BOD1L2: variants seen among roughly 807,000 people sequenced by gnomAD.
The protein encoded by BOD1L2 is biorientation of chromosomes in cell division 1 like 2.
Under a neutral mutation model 5.3 loss-of-function variants are expected in BOD1L2, and 6 were observed. That is an observed-to-expected ratio of 1.14 (90% CI 0.62 to 2.25). The LOEUF is 2.25. BOD1L2 is among the 30% of genes most tolerant of loss of function. The probability of loss-of-function intolerance (pLI) is 0.00; values close to 1 mark genes in which losing one functional copy is unlikely to be tolerated. For synonymous variants in BOD1L2, 96 were observed against 96.3 expected, an observed-to-expected ratio of 1.00 and a Z score of 0.02; for missense variants, 210 against 227.2, an observed-to-expected ratio of 0.92 and a Z score of 0.49.
rs754832081 is a variant in BOD1L2, at chr18:57,147,502, G to A, written c.190G>A (p.Asp64Asn). Reference protein sequence around the residue: ...SFRRDCKADVDTKPAYQNLSQ... With the variant: ...SFRRDCKADVNTKPAYQNLSQ... ...CCGCCGGGACTGCAAGGCTGACGTG[G>A]ACACCAAGCCAGCTTACCAAAACCT... is the stretch of plus-strand genomic sequence containing the variant. Residue 64 changes from aspartate to asparagine, a missense_variant, in exon 1 of 1, where the codon GAC (aspartate) becomes AAC (asparagine). By Grantham distance (23) the Asp-to-Asn change is conservative. Transcript: ENST00000585477. 8.2e-6 allele frequency: 13 copies of A among 1,591,428 alleles called. No individual in the cohort carries two copies. The African/African-American group carries it at 1.6e-4, about 20-fold the overall frequency.
chr18:57,147,675 T>C lies in BOD1L2; in HGVS notation c.363T>C (p.Ser121=). 6.2e-7 allele frequency: 1 copy of C among 1,613,614 alleles called. No homozygotes were observed. Among genetic ancestry groups the C allele is most frequent in the Non-Finnish European group, 8.5e-7 (1 of 1,180,028 alleles). ...AAGCTGGAGTGGACAGGATTAGTTC[T>C]CAGGTGGTGGATCCAAAACTAAACC... ...RSEAGVDRIS[S]QVVDPKLNHI... is the part of the protein sequence containing the mutation. Residue 121 remains serine, a synonymous_variant, in exon 1 of 1, where the codon TCT becomes TCC. Transcript: ENST00000585477.
Position 57,147,211 on chromosome 18 carries a change from C to T in BOD1L2, c.-102C>T. The T allele has an allele frequency of 3.7e-6, 4 of 1,075,478 alleles. No individual in the cohort carries two copies. Among genetic ancestry groups the T allele is most frequent in the Non-Finnish European group, 4.5e-6 (4 of 886,406 alleles). 66.6% of individuals were successfully genotyped at this position (1,075,478 alleles called of 1,614,324 possible). On this transcript the variant is annotated 5_prime_UTR_variant, in exon 1 of 1. Transcript: ENST00000585477. Reference sequence around the variant, plus strand: ...CACCTCCGCCGCTGCCTCCTTGGGGCCCTCCTCCTTCACCGCCCCCTTAGC... The same window carrying T: ...CACCTCCGCCGCTGCCTCCTTGGGGTCCTCCTCCTTCACCGCCCCCTTAGC...
rs975414244 is a variant in BOD1L2, at chr18:57,147,974, C to T, written c.*143C>T. On this transcript the variant is annotated 3_prime_UTR_variant, in exon 1 of 1. Coordinates refer to ENST00000585477, the MANE Select transcript of BOD1L2 (RefSeq NM_001257964.2). Reference sequence around the variant, plus strand: ...TTTCCACCTCGACCATGAGCAGTGACCAGATTGAAAGGGAAGCAAGTTCGC... The same window carrying T: ...TTTCCACCTCGACCATGAGCAGTGATCAGATTGAAAGGGAAGCAAGTTCGC... 15 of 986,048 alleles carry T rather than the reference C, an allele frequency of 1.5e-5. No homozygotes were observed. In the African/African-American group the frequency reaches 2.1e-4, roughly 14 times the overall value. The allele number at this position is 986,048 out of a possible 1,614,324, so 61.1% of individuals were successfully genotyped here.
Position 57,147,399 on chromosome 18 carries a change from C to T in BOD1L2, c.87C>T (p.Ala29=). The T allele has an allele frequency of 2.0e-6, 3 of 1,536,254 alleles. No homozygotes were observed. Among genetic ancestry groups the T allele is most frequent in the Non-Finnish European group, 2.6e-6 (3 of 1,146,074 alleles). ...ASGGGGPINP[A]SLPPGDPQLI... ...GGGGCGGCGGCCCCATCAACCCGGC[C>T]TCGTTGCCCCCTGGCGACCCTCAGC... is the stretch of plus-strand genomic sequence containing the variant. Residue 29 remains alanine, a synonymous_variant, in exon 1 of 1, where the codon GCC becomes GCT. Coordinates refer to ENST00000585477, the MANE Select transcript of BOD1L2 (RefSeq NM_001257964.2).
In BOD1L2 at chr18:57,149,366, T is replaced by A. The variant is rs1342566904; in HGVS notation, c.*1535T>A. ...TTGTAGAAAGAAACCAGTTCTGGAT[T>A]TGTCTTTTCCAACATTTAATTTCTC... On this transcript the variant is annotated 3_prime_UTR_variant, in exon 1 of 1. Transcript: ENST00000585477. 1 of 152,262 alleles carries A rather than the reference T, an allele frequency of 6.6e-6. No individual in the cohort carries two copies. Among genetic ancestry groups the A allele is most frequent in the African/African-American group, 2.4e-5 (1 of 41,476 alleles). The allele number at this position is 152,262 out of a possible 1,614,324, so 9.4% of individuals were successfully genotyped here.
At position 57,148,276 on chromosome 18, in the gene BOD1L2, A is replaced by G. The variant is rs1056343295; in HGVS notation, c.*445A>G. 4.3e-5 allele frequency: 7 copies of G among 161,672 alleles called. No individual in the cohort carries two copies. The highest frequency in any genetic ancestry group is 8.2e-5 in the Non-Finnish European group (6 of 72,874). The allele number at this position is 161,672 out of a possible 1,614,324, so 10.0% of individuals were successfully genotyped here. On this transcript the variant is annotated 3_prime_UTR_variant, in exon 1 of 1. Transcript: ENST00000585477. ...AAAGGTTAACTGGGAGGAATATTTGACAGTACTTATTTGATATTGTCTCTC... is the reference window on the plus strand; with the variant it reads ...AAAGGTTAACTGGGAGGAATATTTGGCAGTACTTATTTGATATTGTCTCTC...
In BOD1L2 at chr18:57,148,039, T is replaced by A. The variant is rs1249156481; in HGVS notation, c.*208T>A. 8 of 551,038 alleles carry A rather than the reference T, an allele frequency of 1.5e-5. No individual in the cohort carries two copies. The East Asian group carries it at 2.7e-4, about 18-fold the overall frequency. 34.1% of individuals were successfully genotyped at this position (551,038 alleles called of 1,614,324 possible). ...ACCGTGGCACCCTCCTGCATTGCGCTGCCATTTGGCCAGCCTTTCCAAGGG... is the reference window on the plus strand; with the variant it reads ...ACCGTGGCACCCTCCTGCATTGCGCAGCCATTTGGCCAGCCTTTCCAAGGG... On this transcript the variant is annotated 3_prime_UTR_variant, in exon 1 of 1. Transcript: ENST00000585477.
chr18:57,147,360 G>C lies in BOD1L2; in HGVS notation c.48G>C (p.Ser16=), dbSNP rs781238510. 12 of 1,482,860 alleles carry C rather than the reference G, an allele frequency of 8.1e-6. No individual in the cohort carries two copies. The South Asian group carries it at 1.6e-4, about 19-fold the overall frequency. The allele number at this position is 1,482,860 out of a possible 1,614,324, so 91.9% of individuals were successfully genotyped here. A position where few individuals can be genotyped will look rare whatever the true frequency, so the allele number is the denominator to read the frequency against. The change falls in exon 1 of 1, where the codon TCG becomes TCC. Residue 16 remains serine, a synonymous_variant. Coordinates refer to ENST00000585477, the MANE Select transcript of BOD1L2 (RefSeq NM_001257964.2). The part of the protein sequence containing the change: ...GGGSGGAGPA[S]TRASGGGGPI... ...GCAGCGGCGGTGCGGGCCCGGCCTC[G>C]ACCCGGGCCAGCGGGGGCGGCGGCC... is the stretch of plus-strand genomic sequence containing the variant.
Position 57,148,064 on chromosome 18 carries a change from G to C in BOD1L2, c.*233G>C. The C allele has an allele frequency of 2.1e-6, 1 of 483,824 alleles. No individual in the cohort carries two copies. The highest frequency in any genetic ancestry group is 2.5e-5 in the South Asian group (1 of 39,992). The allele number at this position is 483,824 out of a possible 1,614,324, so 30.0% of individuals were successfully genotyped here. On this transcript the variant is annotated 3_prime_UTR_variant, in exon 1 of 1. Coordinates refer to ENST00000585477, the MANE Select transcript of BOD1L2 (RefSeq NM_001257964.2). ...TGCCATTTGGCCAGCCTTTCCAAGG[G>C]CATGACACCAAACACACACTACAGA...
rs2048936021 is a variant in BOD1L2, at chr18:57,148,027, C to A, written c.*196C>A. 3 of 589,856 alleles carry A rather than the reference C, an allele frequency of 5.1e-6. No individual in the cohort carries two copies. Among genetic ancestry groups the A allele is most frequent in the African/African-American group, 1.9e-5 (1 of 53,214 alleles). 36.5% of individuals were successfully genotyped at this position (589,856 alleles called of 1,614,324 possible). On this transcript the variant is annotated 3_prime_UTR_variant, in exon 1 of 1. Transcript: ENST00000585477. ...GAGAGAAAGTTGACCGTGGCACCCT[C>A]CTGCATTGCGCTGCCATTTGGCCAG...
At position 57,147,091 on chromosome 18, in the gene BOD1L2, G is replaced by C; in HGVS notation, c.-222G>C. 2.1e-6 allele frequency: 1 copy of C among 469,214 alleles called. No homozygotes were observed. The highest frequency in any genetic ancestry group is 2.9e-6 in the Non-Finnish European group (1 of 341,154). 29.1% of individuals were successfully genotyped at this position (469,214 alleles called of 1,614,324 possible). ...GGAGCGCGCTTGGAATCCAGCAGGCGGTTGCTGCCGCGTCTTCCACAACCT... is the reference window on the plus strand; with the variant it reads ...GGAGCGCGCTTGGAATCCAGCAGGCCGTTGCTGCCGCGTCTTCCACAACCT... On this transcript the variant is annotated 5_prime_UTR_variant, in exon 1 of 1. Transcript: ENST00000585477.
In BOD1L2 at chr18:57,147,967, G is replaced by T; in HGVS notation, c.*136G>T. ...CTCAAGATTTCCACCTCGACCATGA[G>T]CAGTGACCAGATTGAAAGGGAAGCA... On this transcript the variant is annotated 3_prime_UTR_variant, in exon 1 of 1. Transcript: ENST00000585477. 1 of 1,017,342 alleles carries T rather than the reference G, an allele frequency of 9.8e-7. No homozygotes were observed. 63.0% of individuals were successfully genotyped at this position (1,017,342 alleles called of 1,614,324 possible).
rs1168650752 is a variant in BOD1L2 at position 57,147,302 on chromosome 18, G to C, written c.-11G>C. The C allele has an allele frequency of 8.6e-7, 1 of 1,163,984 alleles. No homozygotes were observed. Among genetic ancestry groups the C allele is most frequent in the Non-Finnish European group, 1.1e-6 (1 of 947,642 alleles). 72.1% of individuals were successfully genotyped at this position (1,163,984 alleles called of 1,614,324 possible). ...CTATAATCGGTTTCCTTGTGGGCCC[G>C]GTGCGCAGCCATGGCGGACGGTGGC... On this transcript the variant is annotated 5_prime_UTR_variant, in exon 1 of 1. Transcript: ENST00000585477.
chr18:57,149,831 AG>A lies in BOD1L2; in HGVS notation c.*2002del, dbSNP rs1320247959. On this transcript the variant is annotated 3_prime_UTR_variant, in exon 1 of 1. Transcript: ENST00000585477. Reference sequence around the variant, plus strand: ...GCACCTATCTTTGCACTAACATAAAAGGAACCTAATTTCTGCTTTTAAGAAA... The same window carrying A: ...GCACCTATCTTTGCACTAACATAAAAGAACCTAATTTCTGCTTTTAAGAAA... 1 of 152,220 alleles carries A rather than the reference AG, an allele frequency of 6.6e-6. No individual in the cohort carries two copies. Among genetic ancestry groups the A allele is most frequent in the Non-Finnish European group, 1.5e-5 (1 of 68,038 alleles). The allele number at this position is 152,220 out of a possible 1,614,324, so 9.4% of individuals were successfully genotyped here.
rs1318597394 is a variant in BOD1L2 at position 57,148,043 on chromosome 18, A to G, written c.*212A>G. 7 of 536,476 alleles carry G rather than the reference A, an allele frequency of 1.3e-5. No homozygotes were observed. In the African/African-American group the frequency reaches 1.3e-4, roughly 10 times the overall value. 33.2% of individuals were successfully genotyped at this position (536,476 alleles called of 1,614,324 possible). A position where few individuals can be genotyped will look rare whatever the true frequency, so the allele number is the denominator to read the frequency against. On this transcript the variant is annotated 3_prime_UTR_variant, in exon 1 of 1. Coordinates refer to ENST00000585477, the MANE Select transcript of BOD1L2 (RefSeq NM_001257964.2). The stretch of plus-strand genomic sequence containing the variant: ...TGGCACCCTCCTGCATTGCGCTGCC[A>G]TTTGGCCAGCCTTTCCAAGGGCATG...
rs183338899 is a variant in BOD1L2, at chr18:57,147,588, A to G, written c.276A>G (p.Pro92=). 6.2e-7 allele frequency: 1 copy of G among 1,610,676 alleles called. No homozygotes were observed. The highest frequency in any genetic ancestry group is 1.3e-5 in the African/African-American group (1 of 74,768). ...TGGACAAGCAGGAATGGAATCCTCCAGCAAACGACAACCAACTGCACGATG... is the reference window on the plus strand; with the variant it reads ...TGGACAAGCAGGAATGGAATCCTCCGGCAAACGACAACCAACTGCACGATG... The part of the protein sequence containing the change: ...THLDKQEWNP[P]ANDNQLHDGL... The change falls in exon 1 of 1, where the codon CCA becomes CCG. Residue 92 remains proline, a synonymous_variant. Transcript: ENST00000585477.
In BOD1L2 at chr18:57,147,505, A is replaced by G; in HGVS notation, c.193A>G (p.Thr65Ala). 1.9e-6 allele frequency: 3 copies of G among 1,593,564 alleles called. No individual in the cohort carries two copies. The highest frequency in any genetic ancestry group is 2.6e-6 in the Non-Finnish European group (3 of 1,170,556). ...FRRDCKADVD[T>A]KPAYQNLSQK... is the part of the protein sequence containing the mutation. ...CCGGGACTGCAAGGCTGACGTGGAC[A>G]CCAAGCCAGCTTACCAAAACCTGAG... Residue 65 changes from threonine (T) to alanine (A), a missense_variant, in exon 1 of 1, where the codon ACC (threonine) becomes GCC (alanine). Thr to Ala is a moderately conservative substitution (Grantham distance 58). Transcript: ENST00000585477.
Position 57,147,109 on chromosome 18 carries a change from C to T in BOD1L2, c.-204C>T, listed in dbSNP as rs2048923933. ...AGCAGGCGGTTGCTGCCGCGTCTTC[C>T]ACAACCTCCGCGGTCTGGAGCTGGC... is the stretch of plus-strand genomic sequence containing the variant. On this transcript the variant is annotated 5_prime_UTR_variant, in exon 1 of 1. Transcript: ENST00000585477. The T allele has an allele frequency of 1.4e-6, 1 of 694,702 alleles. No individual in the cohort carries two copies. The highest frequency in any genetic ancestry group is 1.8e-6 in the Non-Finnish European group (1 of 545,626). 43.0% of individuals were successfully genotyped at this position (694,702 alleles called of 1,614,324 possible).
chr18:57,147,273 G>A lies in BOD1L2; in HGVS notation c.-40G>A, dbSNP rs571556892. On this transcript the variant is annotated 5_prime_UTR_variant, in exon 1 of 1. Coordinates refer to ENST00000585477, the MANE Select transcript of BOD1L2 (RefSeq NM_001257964.2). ...ATTCTAGGCTTTCTGTCCTGGAGAA[G>A]AAGCTATAATCGGTTTCCTTGTGGG... is the stretch of plus-strand genomic sequence containing the variant. The A allele has an allele frequency of 5.1e-5, 59 of 1,147,178 alleles. No individual in the cohort carries two copies. In the African/African-American group the frequency reaches 9.5e-4, roughly 18 times the overall value. 71.1% of individuals were successfully genotyped at this position (1,147,178 alleles called of 1,614,324 possible). A position where few individuals can be genotyped will look rare whatever the true frequency, so the allele number is the denominator to read the frequency against.
Sources: gnomAD v4.1 joint callset for allele counts on GRCh38, gnomAD v4.1.1 for gene constraint, MANE v1.5 for transcripts, NCBI Gene and HGNC (gene_info 2026-07-23, HGNC 2026-07-21) for gene names.